The following KHDRBS2 variants were observed in gnomAD, a reference collection of about 807,000 sequenced individuals.
The protein encoded by KHDRBS2 is KH domain-containing, RNA-binding, signal transduction-associated protein 2.
Under a neutral mutation model 44.3 loss-of-function variants are expected in KHDRBS2, and 26 were observed. The observed-to-expected ratio is 0.59, with a 90% CI of 0.43 to 0.81. The LOEUF is 0.81. Among genes scored for constraint, KHDRBS2 ranks in the 40% least tolerant of loss-of-function variants. The probability of loss-of-function intolerance (pLI) is 0.00; values close to 1 mark genes in which losing one functional copy is unlikely to be tolerated. For missense variants in KHDRBS2, 476 were observed against 433.1 expected, an observed-to-expected ratio of 1.10 and a Z score of -0.88; for synonymous variants, 194 against 151.1, an observed-to-expected ratio of 1.28 and a Z score of -2.08.
In KHDRBS2 at chr6:62,168,232, A is replaced by G. The variant is rs141139536; in HGVS notation, c.219+8953T>C. Among the ~76,000 whole-genome samples, 852 of 152,334 alleles carry G rather than the reference A, an allele frequency of 5.6e-3. 4 individuals are homozygous for G. Among genetic ancestry groups the G allele is most frequent in the Non-Finnish European group, 9.3e-3 (631 of 68,018 alleles). Reference sequence around the variant, plus strand: ...AAAAGGCCAAATTTGGGGCAGTTTTACACTCCTGGCAATATATTGCTTTAA... The same window carrying G: ...AAAAGGCCAAATTTGGGGCAGTTTTGCACTCCTGGCAATATATTGCTTTAA... On this transcript the variant is annotated intron_variant, in intron 2 of 8. Transcript: ENST00000281156.
chr6:61,909,673 A>AGG (rs35823972), intron 4 of KHDRBS2, among the ~76,000 whole-genome samples: 6 of 3,706 alleles, frequency 1.6e-3, no homozygotes, highest in Admixed American at 0.015. Flanking sequence ...TGGATGTTCC[A>AGG]AAGGACTTAG....
chr6:61,865,047 G>C (rs1029494356), intron 6 of KHDRBS2, among the ~76,000 whole-genome samples: 1 of 152,014 alleles, frequency 6.6e-6, no homozygotes, highest in Non-Finnish European at 1.5e-5. Flanking sequence ...TCTTTCCTCT[G>C]CTGGGTCTCT....
chr6:62,153,105 T>C (rs1357091426), intron 2 of KHDRBS2, among the ~76,000 whole-genome samples: 9 of 152,200 alleles, frequency 5.9e-5, no homozygotes, highest in Admixed American at 3.3e-4. Flanking sequence ...AAACATTAAA[T>C]TGCACATTTT....
At chr6:61,948,190 T>C (rs1763991511) in intron 4 of KHDRBS2, among the ~76,000 whole-genome samples, 1 of 151,960 alleles carries the variant, frequency 6.6e-6, no homozygotes. Context: ...TATAGAAAAT[T>C]CAACCAACTA....
chr6:61,624,234 A>G, the KHDRBS2 span, among the ~76,000 whole-genome samples: 1 of 152,194 alleles, frequency 6.6e-6, no homozygotes. Flanking sequence ...GACCCTCCAG[A>G]GATGGCATGA....
intron 6 of KHDRBS2, among the ~76,000 whole-genome samples, chr6:61,803,999 A>T (rs1442912421): frequency 3.3e-5 from 5 of 151,960 alleles, no homozygotes; most frequent in Non-Finnish European, 5.9e-5. Flanking sequence ...CCCAAATCTC[A>T]TCTTCCTCAC....
intron 4 of KHDRBS2, among the ~76,000 whole-genome samples, chr6:61,947,052 T>C (rs1367474429): frequency 1.3e-5 from 2 of 152,216 alleles, no homozygotes; most frequent in Non-Finnish European, 2.9e-5. Context: ...TAGAATCATA[T>C]ATTCAGCCAA....
intron 1 of KHDRBS2, among the ~76,000 whole-genome samples, chr6:62,252,357 T>C (rs1164097524): frequency 6.6e-6 from 1 of 151,974 alleles, no homozygotes; most frequent in Non-Finnish European, 1.5e-5. Flanking sequence ...CTTACCTATT[T>C]GAATAACACC....
At chr6:62,179,227 G>A (rs751936282) in intron 1 of KHDRBS2, among the ~76,000 whole-genome samples, 2 of 151,600 alleles carry the variant, frequency 1.3e-5, no homozygotes, top group Non-Finnish European at 3.0e-5. Context: ...TAATTTTTAC[G>A]AAGTCATTTA....
chr6:61,672,667 T>A, the KHDRBS2 span, among the ~76,000 whole-genome samples: 3 of 152,148 alleles, frequency 2.0e-5, no homozygotes, highest in African/African-American at 7.2e-5. Context: ...TCTGTTCATG[T>A]CCTTTGCCCA....
At chr6:62,150,485 T>C (rs1814918517) in intron 2 of KHDRBS2, among the ~76,000 whole-genome samples, 1 of 152,192 alleles carries the variant, frequency 6.6e-6, no homozygotes, top group Admixed American at 6.5e-5. Context: ...GTACCTTCCC[T>C]GTCTATGGAA....
intron 5 of KHDRBS2, among the ~76,000 whole-genome samples, chr6:61,897,719 C>G (rs1317694779): frequency 7.6e-6 from 1 of 131,818 alleles, no homozygotes; most frequent in Non-Finnish European, 1.8e-5. Flanking sequence ...CTGTCTCTCT[C>G]TCTCTCTCTC....
At chr6:61,721,284 A>G (rs1772478643) in intron 7 of KHDRBS2, among the ~76,000 whole-genome samples, 1 of 152,014 alleles carries the variant, frequency 6.6e-6, no homozygotes, top group South Asian at 2.1e-4. Flanking sequence ...TTCCATATGA[A>G]CTTTAAAGTA....
At chr6:62,016,827 T>C (rs1241792356) in intron 3 of KHDRBS2, among the ~76,000 whole-genome samples, 1 of 151,936 alleles carries the variant, frequency 6.6e-6, no homozygotes, top group Non-Finnish European at 1.5e-5. Flanking sequence ...ATGTCAGCCA[T>C]GCTATAACAT....
At chr6:61,983,209 T>TTTTCTTTCTTTCTTTC (rs1562580601) in intron 3 of KHDRBS2, among the ~76,000 whole-genome samples, 2 of 10,600 alleles carry the variant, frequency 1.9e-4, no homozygotes, top group Non-Finnish European at 3.4e-4. Context: ...ATTTTCTTTC[T>TTTTCTTTCTTTCTTTC]TTCTTTCTTT....
intron 6 of KHDRBS2, among the ~76,000 whole-genome samples, chr6:61,761,256 T>C (rs551673025): frequency 6.6e-6 from 1 of 152,344 alleles, no homozygotes; most frequent in East Asian, 1.9e-4. Flanking sequence ...TGGCCTCTTT[T>C]GGAATTAATC....
At chr6:62,128,542 TGA>T (rs1421144228) in intron 2 of KHDRBS2, among the ~76,000 whole-genome samples, 2 of 109,632 alleles carry the variant, frequency 1.8e-5, no homozygotes, top group Non-Finnish European at 4.0e-5. Context: ...TTTCTTTTAA[TGA>T]TCTCTCTCTC....
chr6:61,608,052 C>T, the KHDRBS2 span, among the ~76,000 whole-genome samples: 1 of 152,108 alleles, frequency 6.6e-6, no homozygotes, highest in Non-Finnish European at 1.5e-5. Context: ...AATGCAATTC[C>T]TCCCTAAATC....
chr6:62,145,918 A>C (rs1284376262), intron 2 of KHDRBS2, among the ~76,000 whole-genome samples: 1 of 151,904 alleles, frequency 6.6e-6, no homozygotes, highest in Non-Finnish European at 1.5e-5. Context: ...TGAAACATAA[A>C]TGAATTTTGT....
Sources: gnomAD v4.1 joint callset for allele counts (sites outside exome capture counted in the v4.1 genomes callset) on GRCh38, gnomAD v4.1.1 for gene constraint, MANE v1.5 for transcripts, NCBI Gene and HGNC (gene_info 2026-07-23, HGNC 2026-07-21) for gene names.